The following EFEMP2 variants were observed in gnomAD, a reference collection of about 807,000 sequenced individuals.
EFEMP2 encodes EGF-like fibulin extracellular matrix protein 2.
EFEMP2 carries 21 observed loss-of-function variants against 55.3 expected under a neutral mutation model. The observed-to-expected ratio is 0.38, with a 90% CI of 0.27 to 0.55. EFEMP2 has a LOEUF of 0.55. Among genes scored for constraint, EFEMP2 ranks in the 20% least tolerant of loss-of-function variants. EFEMP2 has a pLI of 0.77. For synonymous variants in EFEMP2, 275 were observed against 242.3 expected, an observed-to-expected ratio of 1.14 and a Z score of -1.25; for missense variants, 513 against 615.1, an observed-to-expected ratio of 0.83 and a Z score of 1.76.
At chr11:65,867,626 A>G (rs1416546931) in intron 10 of EFEMP2, 5 of 464,548 alleles carry the variant, frequency 1.1e-5, no homozygotes, top group South Asian at 1.0e-4. Flanking sequence ...ACTGAGATCA[A>G]TATGGAAAAC....
Position 65,866,589 on chromosome 11 carries a change from C to T in EFEMP2, c.*329G>A. 1.4e-6 allele frequency: 1 copy of T among 702,898 alleles called. No individual in the cohort carries two copies. The highest frequency in any genetic ancestry group is 1.7e-5 in the African/African-American group (1 of 57,302). The allele number at this position is 702,898 out of a possible 1,614,324, so 43.5% of individuals were successfully genotyped here. The stretch of plus-strand genomic sequence containing the variant: ...GGAGTTTCTTAGGACCCCTGCAAGC[C>T]AGCCAAGTCCAAATCTCTGGGCCGG... On this transcript the variant is annotated 3_prime_UTR_variant, in exon 11 of 11. Transcript: ENST00000307998.
intron 7 of EFEMP2, chr11:65,868,963 T>A (rs1482807084): frequency 5.4e-6 from 2 of 372,852 alleles, no homozygotes; most frequent in Non-Finnish European, 1.0e-5. Context: ...AGATGAGTCT[T>A]ATGGGTCTGG....
intron 7 of EFEMP2, chr11:65,868,857 A>G (rs1300409103): frequency 8.9e-6 from 5 of 561,548 alleles, no homozygotes; most frequent in East Asian, 6.4e-5. Context: ...GAAACACTAA[A>G]TAAGTTACTG....
chr11:65,871,545 G>A, intron 3 of EFEMP2, 182 bp from the exon 4 acceptor site: 1 of 640,740 alleles, frequency 1.6e-6, no homozygotes, highest in Non-Finnish European at 2.7e-6. Flanking sequence ...GGCTGGAGAT[G>A]GGGCAGCTGT....
intron 3 of EFEMP2, 93 bp downstream of exon 3, chr11:65,871,877 C>T (rs1343990826): frequency 3.4e-5 from 51 of 1,478,564 alleles, no homozygotes; most frequent in South Asian, 4.8e-5. Flanking sequence ...TGGGCTCCCA[C>T]GGCAGTTCTT....
chr11:65,869,898 T>C lies in EFEMP2; in HGVS notation c.686A>G (p.His229Arg). The C allele has an allele frequency of 6.2e-7, 1 of 1,614,012 alleles. No homozygotes were observed. The highest frequency in any genetic ancestry group is 8.5e-7 in the Non-Finnish European group (1 of 1,180,016). ...ATCCCGATGCAGCTCATAGCCCTGG[T>C]GGCAGCGACACAGGAAGGTCCCATA... The part of the protein sequence containing the change: ...NSYGTFLCRC[H>R]QGYELHRDGF... Residue 229 changes from histidine (H) to arginine (R), a missense_variant, in exon 7 of 11, where the codon CAC becomes CGC. Transcript: ENST00000307998.
Position 65,871,355 on chromosome 11 carries a change from C to T in EFEMP2, c.169G>A (p.Glu57Lys), listed in dbSNP as rs119489101. 5.0e-6 allele frequency: 8 copies of T among 1,614,146 alleles called. No homozygotes were observed. Among genetic ancestry groups the T allele is most frequent in the South Asian group, 2.2e-5 (2 of 91,088 alleles). ...CAGGCCTCAGGGATGGTCAGACACT[C>T]GTTGACATCTGCAGAGAGGGGCCTG... Reference protein sequence around the residue: ...PDSQHCRDVNECLTIPEACKG... With the variant: ...PDSQHCRDVNKCLTIPEACKG... The change falls in exon 4 of 11, where the codon GAG becomes AAG. Residue 57 changes from glutamate (E) to lysine (K), a missense_variant. By Grantham distance (56) the Glu-to-Lys change is moderately conservative (BLOSUM62 1). Transcript: ENST00000307998.
Position 65,872,077 on chromosome 11 carries a change from C to T in EFEMP2, c.112-59G>A, listed in dbSNP as rs557044916. The T allele has an allele frequency of 7.1e-6, 11 of 1,548,874 alleles. No individual in the cohort carries two copies. The African/African-American group carries it at 1.2e-4, about 17-fold the overall frequency. On this transcript the variant is annotated intron_variant, in intron 2 of 10. Coordinates refer to ENST00000307998, the MANE Select transcript of EFEMP2 (RefSeq NM_016938.5). ...CTAAGATCTCCTCCAACTGGCCAGG[C>T]CAAGACTAGGGCCTGAGCCTGGCCA...
At chr11:65,871,121 G>T in intron 4 of EFEMP2, 36 bp downstream of exon 4, 3 of 1,611,776 alleles carry the variant, frequency 1.9e-6, no homozygotes, top group Non-Finnish European at 8.5e-7. Context: ...CTGGTGAGAG[G>T]ACTGGAAGCC....
rs1212797548 is a variant in EFEMP2, at chr11:65,868,567, G to A, written c.790C>T (p.Arg264Cys). ...CCCTGTGGGCAGTGGCAGGAGAAACGGCCTGGCTCGTTGATGCAGCGGTAC... is the reference window on the plus strand; with the variant it reads ...CCCTGTGGGCAGTGGCAGGAGAAACAGCCTGGCTCGTTGATGCAGCGGTAC... ...CQYRCINEPG[R>C]FSCHCPQGYQ... The change falls in exon 8 of 11, where the codon CGT becomes TGT. Residue 264 changes from arginine (R) to cysteine (C), a missense_variant. By Grantham distance (180) the Arg-to-Cys change is radical. Transcript: ENST00000307998. The A allele has an allele frequency of 1.9e-6, 3 of 1,613,990 alleles. No individual in the cohort carries two copies. Among genetic ancestry groups the A allele is most frequent in the Non-Finnish European group, 2.5e-6 (3 of 1,180,034 alleles).
At chr11:65,871,397 T>C in intron 3 of EFEMP2, 34 bp from the exon 4 acceptor site, 1 of 1,604,708 alleles carries the variant, frequency 6.2e-7, no homozygotes, top group Middle Eastern at 1.7e-4. Context: ...ACAGCCAGTC[T>C]CCTGGGCTGG....
At position 65,866,597 on chromosome 11, in the gene EFEMP2, T is replaced by G; in HGVS notation, c.*321A>C. Reference sequence around the variant, plus strand: ...TTAGGACCCCTGCAAGCCAGCCAAGTCCAAATCTCTGGGCCGGGGCCTGGA... The same window carrying G: ...TTAGGACCCCTGCAAGCCAGCCAAGGCCAAATCTCTGGGCCGGGGCCTGGA... On this transcript the variant is annotated 3_prime_UTR_variant, in exon 11 of 11. Transcript: ENST00000307998. 2 of 702,712 alleles carry G rather than the reference T, an allele frequency of 2.8e-6. No individual in the cohort carries two copies. The highest frequency in any genetic ancestry group is 5.2e-6 in the Non-Finnish European group (2 of 384,984). 43.5% of individuals were successfully genotyped at this position (702,712 alleles called of 1,614,324 possible). A position where few individuals can be genotyped will look rare whatever the true frequency, so the allele number is the denominator to read the frequency against.
intron 2 of EFEMP2, 87 bp from the exon 3 acceptor site, chr11:65,872,105 C>CG: frequency 6.5e-7 from 1 of 1,527,604 alleles, no homozygotes; most frequent in South Asian, 1.2e-5. Context: ...CCTGGCCACC[C>CG]TCCGGCCTGC....
At position 65,871,322 on chromosome 11, in the gene EFEMP2, C is replaced by A; in HGVS notation, c.202G>T (p.Glu68Ter). 1.9e-6 allele frequency: 3 copies of A among 1,614,186 alleles called. No individual in the cohort carries two copies. Among genetic ancestry groups the A allele is most frequent in the Non-Finnish European group, 1.7e-6 (2 of 1,180,010 alleles). The stretch of plus-strand genomic sequence containing the variant: ...CCGTAGTGGTTGATGCACTTCATTT[C>A]CCCCTTGCAGGCCTCAGGGATGGTC... ...CLTIPEACKG[E>*]MKCINHYGGY... The change falls in exon 4 of 11, where the codon GAA becomes TAA. Residue 68 changes from glutamate (E) to a stop codon, truncating the protein, a stop_gained. Coordinates refer to ENST00000307998, the MANE Select transcript of EFEMP2 (RefSeq NM_016938.5). LOFTEE classifies it high-confidence loss of function.
chr11:65,867,321 C>T, intron 10 of EFEMP2: 1 of 579,230 alleles, frequency 1.7e-6, no homozygotes, highest in South Asian at 2.0e-5. Flanking sequence ...TCTGTCTGAC[C>T]CAGGCTAACT....
Position 65,870,528 on chromosome 11 carries a change from G to A in EFEMP2, c.490+8C>T, listed in dbSNP as rs2134751112. On this transcript the variant is annotated splice_region_variant and intron_variant, in intron 5 of 10. Transcript: ENST00000307998. ...GCCGGGACTACAGAAGCTGCTTCCT[G>A]GACTCACCCACACACTCGGGCCCGA... 6.2e-7 allele frequency: 1 copy of A among 1,613,872 alleles called. No individual in the cohort carries two copies. The highest frequency in any genetic ancestry group is 8.5e-7 in the Non-Finnish European group (1 of 1,179,884).
intron 6 of EFEMP2, 43 bp from the exon 7 acceptor site, chr11:65,870,019 G>A: frequency 6.2e-7 from 1 of 1,612,362 alleles, no homozygotes; most frequent in Non-Finnish European, 8.5e-7. Flanking sequence ...AGCGGAGGAG[G>A]AGCCCAGAGC....
intron 3 of EFEMP2, chr11:65,871,752 T>C (rs1380671834): frequency 1.6e-6 from 1 of 632,522 alleles, no homozygotes; most frequent in Non-Finnish European, 2.8e-6. Flanking sequence ...CTCTGAGGGG[T>C]AGGGACAAGG....
rs770611350 is a variant in EFEMP2 at position 65,871,179 on chromosome 11, G to C, written c.345C>G (p.Pro115=). The C allele has an allele frequency of 1.1e-5, 18 of 1,614,058 alleles. No individual in the cohort carries two copies. Among genetic ancestry groups the C allele is most frequent in the Non-Finnish European group, 1.4e-5 (17 of 1,180,036 alleles). The change falls in exon 4 of 11, where the codon CCC becomes CCG. Residue 115 remains proline, a synonymous_variant. Coordinates refer to ENST00000307998, the MANE Select transcript of EFEMP2 (RefSeq NM_016938.5). ...CACCCACACAGCTGTCCTGATCGTC[G>C]GGCTCATAGCCTGGTGGGCAGGGGT... ...HPNPCPPGYE[P]DDQDSCVDVD... is the part of the protein sequence containing the mutation.
Sources: gnomAD v4.1 joint callset for allele counts on GRCh38, gnomAD v4.1.1 for gene constraint, MANE v1.5 for transcripts, NCBI Gene and HGNC (gene_info 2026-07-23, HGNC 2026-07-21) for gene names.